The following GSK3B variants were observed in gnomAD, a reference collection of about 807,000 sequenced individuals.
GSK3B encodes the protein glycogen synthase kinase 3 beta, also known as glycogen synthase kinase-3 beta.
Under a neutral mutation model 56.4 loss-of-function variants are expected in GSK3B, and 15 were observed. That is an observed-to-expected ratio of 0.27 (90% CI 0.18 to 0.41). The LOEUF (loss-of-function observed/expected upper bound fraction) is 0.41, where lower values mean the gene tolerates loss of function less well. Ranked by LOEUF, GSK3B falls within the 10% of genes least tolerant of loss-of-function variation. The pLI is 1.00. For synonymous variants in GSK3B, 181 were observed against 188.9 expected (o/e 0.96, Z 0.34); for missense variants, 300 against 513.4 (o/e 0.58, Z 4.02).
intron 2 of GSK3B, among the ~76,000 whole-genome samples, chr3:119,971,254 A>G (rs1434223909): frequency 6.6e-6 from 1 of 152,194 alleles, no homozygotes. Flanking sequence ...CAAGTATGGG[A>G]AGACCAACTT....
At chr3:119,975,278 C>T (rs1481185726) in intron 2 of GSK3B, among the ~76,000 whole-genome samples, 1 of 152,114 alleles carries the variant, frequency 6.6e-6, no homozygotes, top group Non-Finnish European at 1.5e-5. Flanking sequence ...GAAACCCAGT[C>T]TCTACTAAAA....
chr3:119,903,258 C>G (rs2056643144), intron 7 of GSK3B, among the ~76,000 whole-genome samples: 1 of 152,094 alleles, frequency 6.6e-6, no homozygotes, highest in Non-Finnish European at 1.5e-5. Context: ...ACCTAGAAAC[C>G]AGATATCCCA....
At chr3:119,840,386 G>A (rs907997468) in intron 10 of GSK3B, among the ~76,000 whole-genome samples, 4 of 151,916 alleles carry the variant, frequency 2.6e-5, no homozygotes, top group South Asian at 2.1e-4. Context: ...CACCACGTCC[G>A]GCTAATTTTG....
intron 2 of GSK3B, among the ~76,000 whole-genome samples, chr3:119,949,793 C>CAA (rs927567102): frequency 0.021 from 1,290 of 61,472 alleles, 58 homozygotes; most frequent in African/African-American, 0.043. Context: ...GACTCCGTCT[C>CAA]AAAAAAAAAA....
chr3:119,893,288 C>A (rs76047636), intron 7 of GSK3B, among the ~76,000 whole-genome samples: 1 of 152,048 alleles, frequency 6.6e-6, no homozygotes, highest in South Asian at 2.1e-4. Flanking sequence ...CATGAACCAC[C>A]GCACCCAGCA....
chr3:120,077,313 T>C (rs2058375311), intron 1 of GSK3B, among the ~76,000 whole-genome samples: 1 of 152,092 alleles, frequency 6.6e-6, no homozygotes, highest in Admixed American at 6.5e-5. Context: ...AGTGTGTGTA[T>C]ATATATATGT....
chr3:119,943,587 G>A (rs576357730), intron 3 of GSK3B, among the ~76,000 whole-genome samples: 3 of 152,244 alleles, frequency 2.0e-5, no homozygotes, highest in Admixed American at 2.0e-4. Context: ...GAGGCCCAGA[G>A]AGAAGAGACA....
intron 5 of GSK3B, 78 bp downstream of exon 5, chr3:119,915,966 A>G (rs1332509148): frequency 1.2e-5 from 12 of 990,058 alleles, no homozygotes; most frequent in Non-Finnish European, 1.8e-5. Flanking sequence ...CTGATATTGC[A>G]AAAGGAATAT....
At chr3:120,026,013 C>CA (rs2057919860) in intron 1 of GSK3B, among the ~76,000 whole-genome samples, 1 of 152,138 alleles carries the variant, frequency 6.6e-6, no homozygotes, top group South Asian at 2.1e-4. Context: ...GATAAAATGT[C>CA]AAATACTGGG....
chr3:120,041,415 A>G, intron 1 of GSK3B: 1 of 265,314 alleles, frequency 3.8e-6, no homozygotes, highest in South Asian at 5.7e-5. Context: ...GAATACAAAG[A>G]AGCCCATGGA....
In GSK3B at chr3:119,821,654, T is replaced by C. The variant is rs997964646; in HGVS notation, c.*5134A>G. 6.6e-6 allele frequency: 1 copy of C among 152,438 alleles called. No homozygotes were observed. The highest frequency in any genetic ancestry group is 2.4e-5 in the African/African-American group (1 of 41,464). 9.4% of individuals were successfully genotyped at this position (152,438 alleles called of 1,614,324 possible). On this transcript the variant is annotated 3_prime_UTR_variant, in exon 11 of 11. Coordinates refer to ENST00000264235, the MANE Select transcript of GSK3B (RefSeq NM_001146156.2). ...AATCAAAGACAGCAGCTTATACACA[T>C]TTAAAAACTGTCCCTTTCAGAGTTG...
intron 2 of GSK3B, among the ~76,000 whole-genome samples, chr3:119,962,396 AC>A (rs1228369081): frequency 5.3e-5 from 8 of 151,046 alleles, no homozygotes; most frequent in African/African-American, 1.9e-4. Context: ...AAAAACAAAA[AC>A]AAAAAAACAA....
intron 1 of GSK3B, among the ~76,000 whole-genome samples, chr3:120,024,148 T>G (rs894906113): frequency 6.8e-6 from 1 of 146,756 alleles, no homozygotes; most frequent in African/African-American, 2.5e-5. Flanking sequence ...CTGGGCAATA[T>G]AGTGAGATAC....
chr3:119,913,397 G>A (rs1027869737), intron 5 of GSK3B, among the ~76,000 whole-genome samples: 17 of 151,966 alleles, frequency 1.1e-4, no homozygotes, highest in Admixed American at 3.9e-4. Flanking sequence ...ATGATTCACT[G>A]CCTATAAATT....
chr3:119,878,763 A>G (rs1217592005), intron 7 of GSK3B, among the ~76,000 whole-genome samples: 1 of 152,232 alleles, frequency 6.6e-6, no homozygotes, highest in Non-Finnish European at 1.5e-5. Context: ...AACATTACTC[A>G]GTAATTTAAA....
intron 2 of GSK3B, among the ~76,000 whole-genome samples, chr3:119,968,069 A>T (rs1002330813): frequency 1.3e-5 from 2 of 152,050 alleles, no homozygotes; most frequent in African/African-American, 4.8e-5. Flanking sequence ...GTTAGCCAGG[A>T]TGGTCTCCAT....
At chr3:120,033,203 T>C (rs2057992776) in intron 1 of GSK3B, among the ~76,000 whole-genome samples, 1 of 152,248 alleles carries the variant, frequency 6.6e-6, no homozygotes, top group Admixed American at 6.5e-5. Flanking sequence ...TCCTCAGTAA[T>C]AATCCATTTA....
At chr3:119,983,269 C>A (rs2057482001) in intron 2 of GSK3B, among the ~76,000 whole-genome samples, 2 of 152,104 alleles carry the variant, frequency 1.3e-5, no homozygotes, top group South Asian at 4.1e-4. Context: ...TTGTAAAGAC[C>A]ACTGATGCTA....
At chr3:119,978,255 A>G (rs1292145301) in intron 2 of GSK3B, among the ~76,000 whole-genome samples, 2 of 152,048 alleles carry the variant, frequency 1.3e-5, no homozygotes, top group African/African-American at 4.8e-5. Context: ...TGGGCCGGAA[A>G]GATGTCTGCC....
Sources: gnomAD v4.1 joint callset for allele counts (sites outside exome capture counted in the v4.1 genomes callset) on GRCh38, gnomAD v4.1.1 for gene constraint, MANE v1.5 for transcripts, NCBI Gene and HGNC (gene_info 2026-07-23, HGNC 2026-07-21) for gene names.